The following ATRNL1 variants were observed in gnomAD, a reference collection of about 807,000 sequenced individuals.
ATRNL1 encodes the protein attractin like 1.
A neutral mutation model predicts 182.7 loss-of-function variants in ATRNL1; 95 were observed. The observed-to-expected ratio is 0.52, with a 90% CI of 0.44 to 0.62. The LOEUF is 0.62. Among genes scored for constraint, ATRNL1 ranks in the 20% least tolerant of loss-of-function variants. The pLI, the probability that ATRNL1 is intolerant of heterozygous loss-of-function variation, is 0.00. For missense variants in ATRNL1, 1,471 were observed against 1,679.5 expected, an observed-to-expected ratio of 0.88 and a Z score of 2.17; for synonymous variants, 576 against 568.3, an observed-to-expected ratio of 1.01 and a Z score of -0.19.
intron 5 of ATRNL1, among the ~76,000 whole-genome samples, chr10:115,144,746 A>G (rs1845903148): frequency 6.6e-6 from 1 of 152,148 alleles, no homozygotes; most frequent in Non-Finnish European, 1.5e-5. Flanking sequence ...CCCTTGTCTG[A>G]GTCTTGGGAT....
At chr10:115,749,679 A>C (rs996300455) in intron 27 of ATRNL1, among the ~76,000 whole-genome samples, 13 of 151,900 alleles carry the variant, frequency 8.6e-5, no homozygotes, top group Non-Finnish European at 1.9e-4. Context: ...ATTATTTGCC[A>C]GGTTTAGACC....
intron 26 of ATRNL1, among the ~76,000 whole-genome samples, chr10:115,717,929 G>A (rs1947308317): frequency 6.6e-6 from 1 of 152,088 alleles, no homozygotes; most frequent in Admixed American, 6.6e-5. Context: ...TCTGGCTTCT[G>A]TGTAATTAGG....
chr10:115,400,519 T>C (rs1378206801), intron 20 of ATRNL1, among the ~76,000 whole-genome samples: 1 of 152,114 alleles, frequency 6.6e-6, no homozygotes, highest in Non-Finnish European at 1.5e-5. Context: ...GTCTCAGTGA[T>C]CTGTCTAATA....
chr10:115,651,323 A>G (rs12240499), intron 26 of ATRNL1, among the ~76,000 whole-genome samples: 1,778 of 152,266 alleles, frequency 0.012, 36 homozygotes, highest in African/African-American at 0.04. Flanking sequence ...CCCGCATTAG[A>G]CCTATGTAAC....
At chr10:115,120,707 AATCT>A (rs1180569170) in intron 2 of ATRNL1, among the ~76,000 whole-genome samples, 24 of 152,088 alleles carry the variant, frequency 1.6e-4, no homozygotes, top group East Asian at 3.9e-4. Flanking sequence ...GGCTTGAAAC[AATCT>A]ATCTATTTAA....
chr10:115,508,386 TTGTTGCA>T (rs1388543205), intron 24 of ATRNL1, among the ~76,000 whole-genome samples: 1 of 152,052 alleles, frequency 6.6e-6, no homozygotes, highest in East Asian at 1.9e-4. Context: ...ATGAAAAGAA[TTGTTGCA>T]TGTCTTGTCA....
chr10:115,765,893 A>G (rs1948846151), intron 27 of ATRNL1, among the ~76,000 whole-genome samples: 1 of 152,186 alleles, frequency 6.6e-6, no homozygotes, highest in South Asian at 2.1e-4. Flanking sequence ...GATGTATACA[A>G]TTAGACTTTT....
At chr10:115,205,592 C>T (rs1848764750) in intron 8 of ATRNL1, among the ~76,000 whole-genome samples, 2 of 151,446 alleles carry the variant, frequency 1.3e-5, no homozygotes, top group Non-Finnish European at 3.0e-5. Context: ...TTTAGTATTC[C>T]ATTTTAATCT....
intron 28 of ATRNL1, among the ~76,000 whole-genome samples, chr10:115,876,751 A>T (rs565042613): frequency 6.6e-6 from 1 of 152,296 alleles, no homozygotes; most frequent in African/African-American, 2.4e-5. Flanking sequence ...ATTTTAAAGC[A>T]TTTTTTAGTA....
chr10:115,519,174 A>T, intron 24 of ATRNL1, 89 bp from the exon 25 acceptor site: 1 of 1,107,212 alleles, frequency 9.0e-7, no homozygotes, highest in Non-Finnish European at 1.3e-6. Context: ...TTGGTGATTT[A>T]GAAAAACTGT....
intron 26 of ATRNL1, among the ~76,000 whole-genome samples, chr10:115,607,977 C>T (rs1856957271): frequency 1.3e-5 from 2 of 151,896 alleles, no homozygotes; most frequent in Admixed American, 6.6e-5. Context: ...GATCTAATTT[C>T]ACCTAGGAGG....
At chr10:115,618,839 C>T (rs1857571170) in intron 26 of ATRNL1, among the ~76,000 whole-genome samples, 1 of 152,070 alleles carries the variant, frequency 6.6e-6, no homozygotes, top group African/African-American at 2.4e-5. Context: ...CTGTGGTCTC[C>T]TCCTGGAGTA....
At chr10:115,884,101 A>G (rs1425262763) in intron 28 of ATRNL1, among the ~76,000 whole-genome samples, 1 of 152,220 alleles carries the variant, frequency 6.6e-6, no homozygotes, top group African/African-American at 2.4e-5. Flanking sequence ...AGAAAATAGC[A>G]GTTTCCATCT....
At chr10:115,716,745 C>T (rs555418807) in intron 26 of ATRNL1, among the ~76,000 whole-genome samples, 181 of 152,248 alleles carry the variant, frequency 1.2e-3, no homozygotes, top group African/African-American at 3.9e-3. Context: ...TAGTCAGATG[C>T]TTTTATATTT....
intron 1 of ATRNL1, among the ~76,000 whole-genome samples, chr10:115,103,360 A>C (rs1480630672): frequency 2.0e-5 from 3 of 152,174 alleles, no homozygotes; most frequent in African/African-American, 7.2e-5. Context: ...TTTTATACCA[A>C]AATATTTTAT....
intron 12 of ATRNL1, among the ~76,000 whole-genome samples, 184 bp from the exon 13 acceptor site, chr10:115,268,142 G>GTAAA (rs782701758): frequency 7.9e-5 from 12 of 152,116 alleles, no homozygotes; most frequent in Non-Finnish European, 1.8e-4. Flanking sequence ...CGAAAATCCT[G>GTAAA]TAAACACAAT....
At chr10:115,202,027 CTGTT>C (rs1392173203) in intron 8 of ATRNL1, among the ~76,000 whole-genome samples, 1 of 151,282 alleles carries the variant, frequency 6.6e-6, no homozygotes, top group Non-Finnish European at 1.5e-5. Context: ...ATTTGGCTCT[CTGTT>C]TGTCTGTTAT....
chr10:115,909,474 G>C (rs1307710926), intron 28 of ATRNL1: 1 of 152,044 alleles, frequency 6.6e-6, no homozygotes, highest in African/African-American at 2.4e-5. Flanking sequence ...ATCCCATCCT[G>C]ACCTTCCAGC....
chr10:115,387,777 TTGC>T (rs1554953090), intron 19 of ATRNL1, among the ~76,000 whole-genome samples: 1 of 152,238 alleles, frequency 6.6e-6, no homozygotes, highest in African/African-American at 2.4e-5. Context: ...TTTCTTTTCA[TTGC>T]TGAATTATAT....
Sources: allele counts gnomAD v4.1 joint callset (sites outside exome capture counted in the v4.1 genomes callset), GRCh38; gene constraint gnomAD v4.1.1; transcripts MANE v1.5; gene names NCBI Gene and HGNC (gene_info 2026-07-23, HGNC 2026-07-21).